The following PRMT8 variants were observed in gnomAD, a reference collection of about 807,000 sequenced individuals.
PRMT8 encodes protein arginine methyltransferase 8.
Under a neutral mutation model 47.1 loss-of-function variants are expected in PRMT8, and 7 were observed. That is an observed-to-expected ratio of 0.15 (90% confidence interval 0.08 to 0.28). The LOEUF (loss-of-function observed/expected upper bound fraction) is 0.28, where lower values mean the gene tolerates loss of function less well. Ranked by LOEUF, PRMT8 falls within the 10% of genes least tolerant of loss-of-function variation. The probability of loss-of-function intolerance (pLI) is 1.00; values close to 1 mark genes in which losing one functional copy is unlikely to be tolerated. For missense variants in PRMT8, 237 were observed against 505.4 expected (o/e 0.47, Z 5.09); for synonymous variants, 188 against 186.5 (o/e 1.01, Z -0.07).
At chr12:3,432,946 G>A (rs10774147) in intron 1 of PRMT8, among the ~76,000 whole-genome samples, 101,285 of 152,060 alleles carry the variant, frequency 0.67, 37,682 homozygotes, top group East Asian at 0.92. Flanking sequence ...TCTTATAATC[G>A]TCCATAGATT....
chr12:3,524,438 C>G (rs1328107927), intron 1 of PRMT8, among the ~76,000 whole-genome samples: 2 of 152,062 alleles, frequency 1.3e-5, no homozygotes, highest in East Asian at 3.9e-4. Flanking sequence ...CCACCTTCCC[C>G]CTCTTCCCCG....
At position 3,522,479 on chromosome 12, in the gene PRMT8, G is replaced by T. The variant is rs184596014; in HGVS notation, c.76-18127G>T. 2.7e-4 allele frequency among the ~76,000 whole-genome samples: 41 copies of T among 152,056 alleles called. 1 individual carries two copies. In the East Asian group the frequency reaches 7.2e-3, roughly 27 times the overall value. On this transcript the variant is annotated intron_variant, in intron 1 of 9. Coordinates refer to ENST00000382622, the MANE Select transcript of PRMT8 (RefSeq NM_019854.5). ...AGGAGTTCGAGACCAGCCTGGCCAA[G>T]ATGGTGAAAACACATCTCTACTAAA...
At chr12:3,506,135 C>T (rs1169490567) in intron 1 of PRMT8, among the ~76,000 whole-genome samples, 3 of 152,170 alleles carry the variant, frequency 2.0e-5, no homozygotes, top group Admixed American at 1.3e-4. Flanking sequence ...AGCTCTGCTG[C>T]TTCCTAGCTT....
chr12:3,445,503 A>G (rs1026446722), intron 1 of PRMT8, among the ~76,000 whole-genome samples: 2 of 152,238 alleles, frequency 1.3e-5, no homozygotes, highest in Non-Finnish European at 2.9e-5. Context: ...ACTCTTAGCT[A>G]TTCCTCAAAC....
upstream of PRMT8, among the ~76,000 whole-genome samples, chr12:3,490,675 AAGAGAGAGAGAGAGAG>A (rs370069857): frequency 2.0e-3 from 243 of 121,140 alleles, 1 homozygote; most frequent in African/African-American, 3.3e-3. Context: ...TTTGGGTACA[AAGAGAGAGAGAGAGAG>A]AGAGAGAGAG....
intron 1 of PRMT8, among the ~76,000 whole-genome samples, chr12:3,496,659 T>A (rs60676367): frequency 0.033 from 4,947 of 152,094 alleles, 242 homozygotes; most frequent in African/African-American, 0.11. Context: ...GTTGTGAAGA[T>A]GAAAAGGGTT....
At chr12:3,540,942 G>A in intron 2 of PRMT8, 151 bp downstream of exon 2, 1 of 960,706 alleles carries the variant, frequency 1.0e-6, no homozygotes, top group African/African-American at 1.7e-5. Flanking sequence ...CCAATCCGGG[G>A]GGCCCCTCTG....
At chr12:3,562,935 G>A (rs1866660927) in intron 4 of PRMT8, among the ~76,000 whole-genome samples, 1 of 152,096 alleles carries the variant, frequency 6.6e-6, no homozygotes. Flanking sequence ...CCTGAGCCCT[G>A]GGGAAGCTTT....
At chr12:3,399,847 C>G (rs188082000) in intron 1 of PRMT8, among the ~76,000 whole-genome samples, 188 of 152,288 alleles carry the variant, frequency 1.2e-3, no homozygotes, top group Admixed American at 3.6e-3. Context: ...AGGGCATAGG[C>G]TAGAGTGAGC....
chr12:3,518,628 A>G (rs1191886143), intron 1 of PRMT8, among the ~76,000 whole-genome samples: 1 of 152,184 alleles, frequency 6.6e-6, no homozygotes, highest in East Asian at 1.9e-4. Context: ...AAATTCCCAA[A>G]TGCAAATCCC....
chr12:3,498,042 C>T (rs1370054852), intron 1 of PRMT8, among the ~76,000 whole-genome samples: 1 of 152,196 alleles, frequency 6.6e-6, no homozygotes, highest in Non-Finnish European at 1.5e-5. Context: ...CTGATCTGTA[C>T]TGTCTAAGAC....
At chr12:3,542,732 C>A (rs560076632) in intron 2 of PRMT8, among the ~76,000 whole-genome samples, 3 of 152,336 alleles carry the variant, frequency 2.0e-5, no homozygotes, top group African/African-American at 4.8e-5. Context: ...TTCTTGGACA[C>A]CTCCCTCTGA....
intron 1 of PRMT8, among the ~76,000 whole-genome samples, chr12:3,410,453 T>G (rs1343273408): frequency 2.0e-5 from 3 of 152,194 alleles, no homozygotes; most frequent in Admixed American, 2.0e-4. Flanking sequence ...TGCCTGTAAC[T>G]ATGACCCTTG....
At position 3,583,328 on chromosome 12, in the gene PRMT8, C is replaced by G; in HGVS notation, c.979+120C>G. 1 of 1,090,654 alleles carries G rather than the reference C, an allele frequency of 9.2e-7. No homozygotes were observed. The highest frequency in any genetic ancestry group is 1.3e-6 in the Non-Finnish European group (1 of 773,524). The allele number at this position is 1,090,654 out of a possible 1,614,324, so 67.6% of individuals were successfully genotyped here. ...GGGGCTGGGTGTTAGCTGGGTGACA[C>G]CTATCAACCCTCTCCAGCCATGGAG... On this transcript the variant is annotated intron_variant, in intron 8 of 9. Coordinates refer to ENST00000382622, the MANE Select transcript of PRMT8 (RefSeq NM_019854.5). The surrounding 1 kb of genome is among the most constrained non-coding windows in gnomAD (Gnocchi z 4.7).
intron 1 of PRMT8, among the ~76,000 whole-genome samples, chr12:3,383,052 G>C (rs1049364226): frequency 1.3e-5 from 2 of 152,122 alleles, no homozygotes; most frequent in African/African-American, 4.8e-5. Context: ...TCTCTATTCT[G>C]TTCCAGTGAG....
At chr12:3,482,193 G>C (rs1865281286) in intron 1 of PRMT8, among the ~76,000 whole-genome samples, 1 of 152,160 alleles carries the variant, frequency 6.6e-6, no homozygotes, top group African/African-American at 2.4e-5. Flanking sequence ...ATTAATCCCA[G>C]TGTAGCATGG....
At chr12:3,481,988 G>A (rs1865278533) in intron 1 of PRMT8, among the ~76,000 whole-genome samples, 1 of 152,176 alleles carries the variant, frequency 6.6e-6, no homozygotes, top group Admixed American at 6.5e-5. Context: ...TGATGAGAAT[G>A]GCTTCAGGGA....
chr12:3,529,914 C>A (rs1866002607), intron 1 of PRMT8, among the ~76,000 whole-genome samples: 1 of 152,168 alleles, frequency 6.6e-6, no homozygotes, highest in Non-Finnish European at 1.5e-5. Context: ...AGGGCTTGTA[C>A]TACACGGGTG....
At chr12:3,587,107 AATTCTTGGCTCATGCCATATGTC>A (rs1867195035) in intron 8 of PRMT8, among the ~76,000 whole-genome samples, 1 of 151,570 alleles carries the variant, frequency 6.6e-6, no homozygotes, top group South Asian at 2.1e-4. Flanking sequence ...GATTAATCCT[AATTCTTGGCTCATGCCATATGTC>A]ATTATTGGAC....
Sources: allele counts gnomAD v4.1 joint callset (sites outside exome capture counted in the v4.1 genomes callset), GRCh38; gene constraint gnomAD v4.1.1; non-coding constraint Gnocchi (gnomAD v3.1); transcripts MANE v1.5; gene names NCBI Gene and HGNC (gene_info 2026-07-23, HGNC 2026-07-21).